The following ENG variants were observed in gnomAD, a reference collection of about 807,000 sequenced individuals.
ENG encodes the protein CD105 antigen.
In ENG, 17 loss-of-function variants were observed where a neutral mutation model predicts 71.0. The observed-to-expected ratio is 0.24, with a 90% CI of 0.16 to 0.36. The LOEUF (loss-of-function observed/expected upper bound fraction) is 0.36. ENG is among the 10% of genes least tolerant of loss of function. The pLI, the probability that ENG is intolerant of heterozygous loss-of-function variation, is 1.00. For missense variants in ENG, 749 were observed against 868.3 expected, an observed-to-expected ratio of 0.86 and a Z score of 1.73; for synonymous variants, 360 against 366.9, an observed-to-expected ratio of 0.98 and a Z score of 0.21.
chr9:127,837,704 T>C (rs931608298), intron 2 of ENG, among the ~76,000 whole-genome samples: 2 of 151,890 alleles, frequency 1.3e-5, no homozygotes, highest in African/African-American at 4.8e-5. Context: ...AATGTACAGT[T>C]TTTCCTTCCT....
At chr9:127,830,280 G>A (rs754294822) in intron 2 of ENG, among the ~76,000 whole-genome samples, 11 of 150,606 alleles carry the variant, frequency 7.3e-5, no homozygotes, top group Non-Finnish European at 1.5e-4. Flanking sequence ...GGGCAGAGGT[G>A]GCATTGAGCT....
In ENG at chr9:127,850,711, C is replaced by A. The variant is rs562489022; in HGVS notation, c.67+3578G>T. Among the ~76,000 whole-genome samples, 166 of 152,354 alleles carry A rather than the reference C, an allele frequency of 1.1e-3. 2 individuals are homozygous for A. Among genetic ancestry groups the A allele is most frequent in the Middle Eastern group, 6.8e-3 (2 of 294 alleles). On this transcript the variant is annotated intron_variant, in intron 1 of 14. Coordinates refer to ENST00000373203, the MANE Select transcript of ENG (RefSeq NM_001114753.3). Reference sequence around the variant, plus strand: ...ACTTTAAGTCCTCCAGCAAAGGATCCTCCACACTCAGGAACACTCTTCAAT... The same window carrying A: ...ACTTTAAGTCCTCCAGCAAAGGATCATCCACACTCAGGAACACTCTTCAAT...
rs917655607 is a variant in ENG, at chr9:127,836,184, C to T, written c.220-6357G>A. The stretch of plus-strand genomic sequence containing the variant: ...GGGCCCCAGAGGCAAAAAACGATGG[C>T]GCCAGCCTTGCCCCCAACCCCAAGC... On this transcript the variant is annotated intron_variant, in intron 2 of 14. Coordinates refer to ENST00000373203, the MANE Select transcript of ENG (RefSeq NM_001114753.3). This position sits in a 1 kb window ranked among gnomAD's most constrained non-coding sequence, Gnocchi z 4.0. Among the ~76,000 whole-genome samples the T allele has an allele frequency of 1.3e-5, 2 of 152,220 alleles. No homozygotes were observed. Among genetic ancestry groups the T allele is most frequent in the African/African-American group, 2.4e-5 (1 of 41,464 alleles).
Position 127,826,536 on chromosome 9 carries a change from T to C in ENG, c.497A>G (p.Gln166Arg), listed in dbSNP as rs994887264. 4 of 1,614,118 alleles carry C rather than the reference T, an allele frequency of 2.5e-6. No individual in the cohort carries two copies. Among genetic ancestry groups the C allele is most frequent in the Admixed American group, 1.7e-5 (1 of 60,004 alleles). Residue 166 changes from glutamine (Q) to arginine (R), a missense_variant, in exon 4 of 15, where the codon CAG becomes CGG. By Grantham distance (43) the Gln-to-Arg change is conservative (BLOSUM62 1). Transcript: ENST00000373203. ...TTGGCCCAGTCGGAGGAGGATGCTC[T>C]GGGGGTCATTCAGCTCAGCAGCAGA... ...ITSAAELNDPQSILLRLGQAQ... is the reference protein window; with the variant it reads ...ITSAAELNDPRSILLRLGQAQ...
chr9:127,828,639 C>T (rs952947523), intron 3 of ENG, among the ~76,000 whole-genome samples: 6 of 152,146 alleles, frequency 3.9e-5, no homozygotes, highest in African/African-American at 9.7e-5. Flanking sequence ...TCTGGGCGGC[C>T]GAGGGATGGG....
In ENG at chr9:127,815,096, G is replaced by A. The variant is rs1045413208; in HGVS notation, c.*586C>T. ...GCAGCTTGGCTACTCCCCCTCTGCT[G>A]GCTGCCCGACCGGCAGAGGGGGCTC... On this transcript the variant is annotated 3_prime_UTR_variant, in exon 15 of 15. Transcript: ENST00000373203. 6.5e-6 allele frequency: 1 copy of A among 153,304 alleles called. No individual in the cohort carries two copies. Among genetic ancestry groups the A allele is most frequent in the African/African-American group, 2.4e-5 (1 of 41,472 alleles). The allele number at this position is 153,304 out of a possible 1,614,324, so 9.5% of individuals were successfully genotyped here. A position where few individuals can be genotyped will look rare whatever the true frequency, so the allele number is the denominator to read the frequency against.
chr9:127,841,615 G>A (rs1012988575), intron 2 of ENG, among the ~76,000 whole-genome samples: 7 of 152,202 alleles, frequency 4.6e-5, no homozygotes, highest in Admixed American at 1.3e-4. Flanking sequence ...AGGGTCCCCC[G>A]ATATTGGTGG....
chr9:127,839,206 C>T (rs1052850956), intron 2 of ENG, among the ~76,000 whole-genome samples: 1 of 152,192 alleles, frequency 6.6e-6, no homozygotes, highest in African/African-American at 2.4e-5. Context: ...TTTGCTGATC[C>T]CACCACTCAT....
chr9:127,850,383 A>T (rs1831259782), intron 1 of ENG, among the ~76,000 whole-genome samples: 1 of 152,234 alleles, frequency 6.6e-6, no homozygotes, highest in Admixed American at 6.5e-5. Context: ...GCCCTGGGGC[A>T]AAAGAATGGG....
Position 127,818,361 on chromosome 9 carries a change from G to C in ENG, c.1445C>G (p.Ser482Cys). The C allele has an allele frequency of 2.5e-6, 4 of 1,613,766 alleles. No individual in the cohort carries two copies. The highest frequency in any genetic ancestry group is 3.4e-6 in the Non-Finnish European group (4 of 1,180,038). Reference protein sequence around the residue: ...QSFVQVRVSPSVSEFLLQLDS... With the variant: ...QSFVQVRVSPCVSEFLLQLDS... ...TAACTGGAGCAGGAACTCGGAGACG[G>C]ATGGGGACACTCTGACCTGCATGGG... Residue 482 changes from serine to cysteine, a missense_variant, in exon 12 of 15, where the codon TCC becomes TGC. Transcript: ENST00000373203.
At position 127,824,761 on chromosome 9, in the gene ENG, GAGGGGAAGGGAAGGGAGGGGC is replaced by G. The variant is rs747571584; in HGVS notation, c.991+18_991+38del. ...CAACAGTGTGGCCACTGATCCAAGGGAGGGGAAGGGAAGGGAGGGGCAGGGGAAGGGTGCTCACCGCAGCTG... is the reference window on the plus strand; with the variant it reads ...CAACAGTGTGGCCACTGATCCAAGGGAGGGGAAGGGTGCTCACCGCAGCTG... On this transcript the variant is annotated intron_variant, in intron 7 of 14. Coordinates refer to ENST00000373203, the MANE Select transcript of ENG (RefSeq NM_001114753.3). 1.1e-5 allele frequency: 15 copies of G among 1,426,612 alleles called. No individual in the cohort carries two copies. The highest frequency in any genetic ancestry group is 8.2e-5 in the East Asian group (3 of 36,382). The allele number at this position is 1,426,612 out of a possible 1,614,324, so 88.4% of individuals were successfully genotyped here. A position where few individuals can be genotyped will look rare whatever the true frequency, so the allele number is the denominator to read the frequency against.
chr9:127,831,660 C>T (rs145454572), intron 2 of ENG, among the ~76,000 whole-genome samples: 1,851 of 150,480 alleles, frequency 0.012, 31 homozygotes, highest in African/African-American at 0.042. Flanking sequence ...GCTGGGATTA[C>T]AGGTGTGAAC....
chr9:127,829,653 A>T, intron 3 of ENG, 34 bp downstream of exon 3: 1 of 1,613,148 alleles, frequency 6.2e-7, no homozygotes, highest in Non-Finnish European at 8.5e-7. Flanking sequence ...CCATGGCCAG[A>T]GCCTCAGCCT....
rs11794565 is a variant in ENG at position 127,838,998 on chromosome 9, C to T, written c.219+4096G>A. Among the ~76,000 whole-genome samples, 61,024 of 152,048 alleles carry T rather than the reference C, an allele frequency of 0.4. 13,569 individuals carry two copies. Among genetic ancestry groups the T allele is most frequent in the East Asian group, 0.63 (3,230 of 5,160 alleles). On this transcript the variant is annotated intron_variant, in intron 2 of 14. Coordinates refer to ENST00000373203, the MANE Select transcript of ENG (RefSeq NM_001114753.3). The surrounding 1 kb of genome is among the most constrained non-coding windows in gnomAD (Gnocchi z 4.3). ...AGCCGGCCATAGGTCAGGAGGGATC[C>T]GGCTGGCTGCTAAAAGCCACCACCC...
In ENG at chr9:127,854,127, C is replaced by T. The variant is rs556204313; in HGVS notation, c.67+162G>A. Among the ~76,000 whole-genome samples the T allele has an allele frequency of 1.4e-4, 21 of 152,336 alleles. No individual in the cohort carries two copies. The South Asian group carries it at 4.4e-3, about 32-fold the overall frequency. ...TTCAACACTGAAAGTCCTGCATAAC[C>T]ATTTAGTTCCAGCAAACTGGGAGGG... On this transcript the variant is annotated intron_variant, in intron 1 of 14. Coordinates refer to ENST00000373203, the MANE Select transcript of ENG (RefSeq NM_001114753.3).
chr9:127,850,353 C>G (rs1229431013), intron 1 of ENG, among the ~76,000 whole-genome samples: 10 of 152,262 alleles, frequency 6.6e-5, no homozygotes, highest in Admixed American at 5.9e-4. Context: ...CCGCCTCACT[C>G]TTGCCCAGAT....
At position 127,823,481 on chromosome 9, in the gene ENG, C is replaced by T. The variant is rs560947009; in HGVS notation, c.1134+823G>A. On this transcript the variant is annotated intron_variant, in intron 8 of 14. Coordinates refer to ENST00000373203, the MANE Select transcript of ENG (RefSeq NM_001114753.3). The stretch of plus-strand genomic sequence containing the variant: ...TCAGCTCACTGCAAGCTCTGCCTCC[C>T]GGGTTCACACCATTCTCCTGCCTCA... 2.4e-4 allele frequency among the ~76,000 whole-genome samples: 37 copies of T among 151,174 alleles called. No homozygotes were observed. In the South Asian group the frequency reaches 5.9e-3, roughly 24 times the overall value.
chr9:127,823,667 C>A (rs1351956026), intron 8 of ENG, among the ~76,000 whole-genome samples: 2 of 145,204 alleles, frequency 1.4e-5, no homozygotes, highest in Non-Finnish European at 3.0e-5. Flanking sequence ...GGATTACAGG[C>A]ACCGGCTTTT....
chr9:127,845,360 G>A (rs189998650), intron 1 of ENG, among the ~76,000 whole-genome samples: 20 of 152,346 alleles, frequency 1.3e-4, no homozygotes, highest in Non-Finnish European at 2.4e-4. Context: ...CCATGGCAAC[G>A]CCATTCCCAG....
Sources: allele counts gnomAD v4.1 joint callset (sites outside exome capture counted in the v4.1 genomes callset), GRCh38; gene constraint gnomAD v4.1.1; non-coding constraint Gnocchi (gnomAD v3.1); transcripts MANE v1.5; gene names NCBI Gene and HGNC (gene_info 2026-07-23, HGNC 2026-07-21).